TBC1D5: variants seen among roughly 807,000 people sequenced by gnomAD.
The protein encoded by TBC1D5 is TBC1 domain family member 5, also known as TBC1 domain family, member 5.
In TBC1D5, 75 loss-of-function variants were observed where a neutral mutation model predicts 100.3. The observed-to-expected ratio is 0.75, with a 90% CI of 0.62 to 0.91. The LOEUF (loss-of-function observed/expected upper bound fraction) is 0.91, where lower values mean the gene tolerates loss of function less well. Among genes scored for constraint, TBC1D5 ranks in the 40% least tolerant of loss-of-function variants. The probability of loss-of-function intolerance (pLI) is 0.00; values close to 1 mark genes in which losing one functional copy is unlikely to be tolerated. For synonymous variants in TBC1D5, 323 were observed against 325.6 expected (o/e 0.99, Z 0.09); for missense variants, 910 against 942.4 (o/e 0.97, Z 0.45).
chr3:17,541,437 T>C (rs2096356197), intron 2 of TBC1D5, among the ~76,000 whole-genome samples: 1 of 151,864 alleles, frequency 6.6e-6, no homozygotes, highest in South Asian at 2.1e-4. Context: ...TTCCTAAGTA[T>C]TTTTTTTGAT....
At chr3:17,583,609 C>A (rs2096713978) in intron 2 of TBC1D5, among the ~76,000 whole-genome samples, 1 of 152,132 alleles carries the variant, frequency 6.6e-6, no homozygotes, top group East Asian at 1.9e-4. Context: ...CATCTGTAGT[C>A]CCAGCTACTC....
intron 1 of TBC1D5, among the ~76,000 whole-genome samples, chr3:17,628,984 A>T (rs1050762251): frequency 1.3e-5 from 2 of 152,244 alleles, no homozygotes; most frequent in Non-Finnish European, 2.9e-5. Context: ...AACTGAAAAG[A>T]AAGAAATTAA....
intron 13 of TBC1D5, among the ~76,000 whole-genome samples, chr3:17,330,813 A>G (rs1048968829): frequency 6.6e-6 from 1 of 152,132 alleles, no homozygotes; most frequent in Non-Finnish European, 1.5e-5. Flanking sequence ...CAATGGTGAA[A>G]TCATTTTATC....
At chr3:17,716,807 G>T (rs995623282) in intron 1 of TBC1D5, among the ~76,000 whole-genome samples, 2 of 152,062 alleles carry the variant, frequency 1.3e-5, no homozygotes, top group Non-Finnish European at 2.9e-5. Flanking sequence ...AGAGCAGAGA[G>T]AATATCTACC....
chr3:17,594,612 A>G (rs530417615), intron 2 of TBC1D5, among the ~76,000 whole-genome samples: 1 of 152,310 alleles, frequency 6.6e-6, no homozygotes, highest in South Asian at 2.1e-4. Flanking sequence ...CTAAGAAAAT[A>G]CCTTCATTTC....
At chr3:17,304,968 G>A (rs1013036101) in intron 14 of TBC1D5, among the ~76,000 whole-genome samples, 13 of 151,966 alleles carry the variant, frequency 8.6e-5, no homozygotes, top group Non-Finnish European at 5.9e-5. Context: ...AAAAAGTAAT[G>A]CATATATTAA....
intron 2 of TBC1D5, chr3:17,576,502 G>A (rs2096658043): frequency 1.3e-5 from 2 of 151,908 alleles, no homozygotes; most frequent in Admixed American, 6.6e-5. Context: ...TATTCAATTT[G>A]TGGGCTCCTG....
intron 2 of TBC1D5, among the ~76,000 whole-genome samples, chr3:17,611,430 G>A (rs148328851): frequency 4.7e-4 from 72 of 152,238 alleles, no homozygotes; most frequent in Non-Finnish European, 9.6e-4. Flanking sequence ...AGAACATGCC[G>A]ATGTTAGAAG....
At chr3:17,716,925 C>A (rs1456353279) in intron 1 of TBC1D5, among the ~76,000 whole-genome samples, 2 of 152,096 alleles carry the variant, frequency 1.3e-5, no homozygotes, top group Non-Finnish European at 1.5e-5. Context: ...AAAAAACTGA[C>A]TTAAGATTAC....
intron 4 of TBC1D5, among the ~76,000 whole-genome samples, chr3:17,426,056 G>A (rs186995215): frequency 0.012 from 1,829 of 152,082 alleles, 22 homozygotes; most frequent in Non-Finnish European, 0.019. Flanking sequence ...CTGCGTTGTC[G>A]AATTGTGAGA....
chr3:17,679,984 T>C (rs147594061), intron 1 of TBC1D5, among the ~76,000 whole-genome samples: 1 of 151,552 alleles, frequency 6.6e-6, no homozygotes, highest in African/African-American at 2.4e-5. Context: ...TGAAACTTCC[T>C]TATGGAGCAG....
intron 2 of TBC1D5, among the ~76,000 whole-genome samples, chr3:17,585,000 A>C (rs1392759220): frequency 6.6e-6 from 1 of 152,078 alleles, no homozygotes; most frequent in African/African-American, 2.4e-5. Context: ...TATGTTGCCT[A>C]GACTGGTCTC....
At chr3:17,559,202 G>T (rs1303331984) in intron 2 of TBC1D5, among the ~76,000 whole-genome samples, 1 of 151,802 alleles carries the variant, frequency 6.6e-6, no homozygotes, top group Non-Finnish European at 1.5e-5. Context: ...GGAGTGCAGT[G>T]GCATCTCGGT....
At chr3:17,214,692 T>C (rs77754652) in intron 17 of TBC1D5, among the ~76,000 whole-genome samples, 2,884 of 151,544 alleles carry the variant, frequency 0.019, 190 homozygotes, top group East Asian at 0.12. Context: ...TGACTGGGTG[T>C]TTCTTCACTA....
At chr3:17,189,069 GTTCCTTAA>G (rs2069528330) in intron 18 of TBC1D5, among the ~76,000 whole-genome samples, 1 of 152,302 alleles carries the variant, frequency 6.6e-6, no homozygotes, top group African/African-American at 2.4e-5. Context: ...TCTTGGACAA[GTTCCTTAA>G]TTCCTTGGTC....
intron 18 of TBC1D5, among the ~76,000 whole-genome samples, chr3:17,208,608 C>T (rs1467929049): frequency 6.6e-6 from 1 of 152,224 alleles, no homozygotes; most frequent in Non-Finnish European, 1.5e-5. Context: ...AGCAAATATA[C>T]TAAATTTTGA....
chr3:17,360,370 G>C (rs1223735854), intron 13 of TBC1D5, among the ~76,000 whole-genome samples: 1 of 152,002 alleles, frequency 6.6e-6, no homozygotes, highest in Non-Finnish European at 1.5e-5. Context: ...ACCTGAAGTT[G>C]ATCAAGTCTG....
chr3:17,183,137 C>T (rs982948599), intron 19 of TBC1D5, among the ~76,000 whole-genome samples: 1 of 152,148 alleles, frequency 6.6e-6, no homozygotes, highest in Non-Finnish European at 1.5e-5. Flanking sequence ...TCTCAGACAA[C>T]AGTCACTTTA....
chr3:17,571,092 G>A (rs2096624473), intron 2 of TBC1D5, among the ~76,000 whole-genome samples: 1 of 151,794 alleles, frequency 6.6e-6, no homozygotes, highest in African/African-American at 2.4e-5. Flanking sequence ...TAGGCTATAA[G>A]AGAAATTGAG....
Sources: allele counts gnomAD v4.1 joint callset (sites outside exome capture counted in the v4.1 genomes callset), GRCh38; gene constraint gnomAD v4.1.1; transcripts MANE v1.5; gene names NCBI Gene and HGNC (gene_info 2026-07-23, HGNC 2026-07-21).